HMX1: variants seen among roughly 807,000 people sequenced by gnomAD.
HMX1 encodes homeobox protein HMX1.
Under a neutral mutation model 8.9 loss-of-function variants are expected in HMX1, and 8 were observed. That is an observed-to-expected ratio of 0.90 (90% CI 0.53 to 1.63). The LOEUF (loss-of-function observed/expected upper bound fraction) is 1.63. Among genes scored for constraint, HMX1 ranks in the 40% most tolerant of loss-of-function variants. The pLI is 0.00. For synonymous variants in HMX1, 311 were observed against 283.4 expected, an observed-to-expected ratio of 1.10 and a Z score of -0.98; for missense variants, 621 against 558.5, an observed-to-expected ratio of 1.11 and a Z score of -1.13.
chr4:8,856,868 C>T (rs559224521), intron 1 of HMX1, among the ~76,000 whole-genome samples: 14 of 152,160 alleles, frequency 9.2e-5, no homozygotes, highest in Non-Finnish European at 1.8e-4. Flanking sequence ...GCAGACGGAC[C>T]ACTTGAGCTT....
Position 8,848,009 on chromosome 4 carries a change from C to T in HMX1, c.395-1685G>A, listed in dbSNP as rs189233574. Among the ~76,000 whole-genome samples, 3 of 152,246 alleles carry T rather than the reference C, an allele frequency of 2.0e-5. No homozygotes were observed. Among genetic ancestry groups the T allele is most frequent in the African/African-American group, 7.2e-5 (3 of 41,552 alleles). ...AGGGTGACATCTGAGCTCAGCGAAC[C>T]GAATTTTGAATCTAAAACTCGACAC... On this transcript the variant is annotated intron_variant, in intron 1 of 1. Transcript: ENST00000506970. The surrounding 1 kb of genome is among the most constrained non-coding windows in gnomAD (Gnocchi z 4.1).
rs939499443 is a variant in HMX1, at chr4:8,868,580, G to A, written c.395-235C>T. Reference sequence around the variant, plus strand: ...ACACCCCGCAACACACCAACACCCCGCAACACACAAACACAAACGCACACC... The same window carrying A: ...ACACCCCGCAACACACCAACACCCCACAACACACAAACACAAACGCACACC... On this transcript the variant is annotated intron_variant, in intron 1 of 1. Coordinates refer to ENST00000400677, the MANE Select transcript of HMX1 (RefSeq NM_018942.3). The surrounding 1 kb of genome is among the most constrained non-coding windows in gnomAD (Gnocchi z 4.6). Among the ~76,000 whole-genome samples the A allele has an allele frequency of 1.3e-5, 2 of 151,958 alleles. No individual in the cohort carries two copies. Among genetic ancestry groups the A allele is most frequent in the African/African-American group, 2.4e-5 (1 of 41,392 alleles).
In HMX1 at chr4:8,868,461, C is replaced by G; in HGVS notation, c.395-116G>C. 1.2e-6 allele frequency: 1 copy of G among 820,940 alleles called. No homozygotes were observed. Among genetic ancestry groups the G allele is most frequent in the Non-Finnish European group, 1.6e-6 (1 of 606,088 alleles). 50.9% of individuals were successfully genotyped at this position (820,940 alleles called of 1,614,324 possible). On this transcript the variant is annotated intron_variant, in intron 1 of 1. Transcript: ENST00000400677. The surrounding 1 kb of genome is among the most constrained non-coding windows in gnomAD (Gnocchi z 4.6). ...TCACAGCCACAAGCAGGAAGACCTT[C>G]CAGCACAGGGCTGGGCACCCAGCAG...
rs1407092391 is a variant in HMX1 at position 8,870,250 on chromosome 4, T to A, written c.394+971A>T. Among the ~76,000 whole-genome samples, 1 of 151,920 alleles carries A rather than the reference T, an allele frequency of 6.6e-6. No homozygotes were observed. Among genetic ancestry groups the A allele is most frequent in the Non-Finnish European group, 1.5e-5 (1 of 67,986 alleles). On this transcript the variant is annotated intron_variant, in intron 1 of 1. Coordinates refer to ENST00000400677, the MANE Select transcript of HMX1 (RefSeq NM_018942.3). The surrounding 1 kb of genome is among the most constrained non-coding windows in gnomAD (Gnocchi z 4.4). Reference sequence around the variant, plus strand: ...GGTGGGGGGCTGGCTAAGCCAGGGCTTGGGGGGTTGGACTGGCTTTCCTGG... The same window carrying A: ...GGTGGGGGGCTGGCTAAGCCAGGGCATGGGGGGTTGGACTGGCTTTCCTGG...
chr4:8,860,294 C>T (rs981297591), intron 1 of HMX1, among the ~76,000 whole-genome samples: 1 of 152,210 alleles, frequency 6.6e-6, no homozygotes, highest in Non-Finnish European at 1.5e-5. Context: ...CTGAGGGGAC[C>T]GGCCCGTGCG....
chr4:8,871,337 C>T lies in HMX1; in HGVS notation c.278G>A (p.Gly93Asp). 2 of 1,308,938 alleles carry T rather than the reference C, an allele frequency of 1.5e-6. No individual in the cohort carries two copies. The highest frequency in any genetic ancestry group is 1.9e-6 in the Non-Finnish European group (2 of 1,033,766). 81.1% of individuals were successfully genotyped at this position (1,308,938 alleles called of 1,614,324 possible). A position where few individuals can be genotyped will look rare whatever the true frequency, so the allele number is the denominator to read the frequency against. ...ACCGGGGGGCGGCCGAGGACCGAGG[C>T]CCAGCGCGCCCGGCCCGAGCAGCGC... ...ARALLGPGAL[G>D]LGPRPPPGPG... The change falls in exon 1 of 2, where the codon GGC (glycine) becomes GAC (aspartate). Residue 93 changes from glycine (G) to aspartate (D), a missense_variant. Gly to Asp is a moderately conservative substitution (Grantham distance 94). Coordinates refer to ENST00000400677, the MANE Select transcript of HMX1 (RefSeq NM_018942.3). This position sits in a 1 kb window ranked among gnomAD's most constrained non-coding sequence, Gnocchi z 4.8.
Position 8,849,095 on chromosome 4 carries a change from G to A in HMX1, c.395-2771C>T, listed in dbSNP as rs1265337551. On this transcript the variant is annotated intron_variant, in intron 1 of 1. Transcript: ENST00000506970. The surrounding 1 kb of genome is among the most constrained non-coding windows in gnomAD (Gnocchi z 6.6). ...TCCATCGTGGACGTCTTCTCTCAGA[G>A]CCTCGATTTTCCCATCTGTGAAACG... Among the ~76,000 whole-genome samples the A allele has an allele frequency of 5.3e-5, 8 of 152,194 alleles. 1 individual carries two copies. The Middle Eastern group carries it at 0.01, about 195-fold the overall frequency.
intron 1 of HMX1, among the ~76,000 whole-genome samples, chr4:8,861,074 G>A (rs916179062): frequency 2.0e-5 from 3 of 152,066 alleles, no homozygotes; most frequent in South Asian, 2.1e-4. Flanking sequence ...AAGAGGCGGG[G>A]CCGAGTCGCG....
At chr4:8,859,385 G>A (rs372777908) in intron 1 of HMX1, among the ~76,000 whole-genome samples, 1 of 152,186 alleles carries the variant, frequency 6.6e-6, no homozygotes, top group East Asian at 1.9e-4. Flanking sequence ...AGCTGGCTTA[G>A]AGCTTCCACC....
exon 2 of HMX1, chr4:8,846,126 G>T: frequency 1.4e-6 from 1 of 729,832 alleles, no homozygotes; most frequent in Non-Finnish European, 2.3e-6. Context: ...TGCCCCCTGT[G>T]GGAACACTGC....
rs1722046933 is a variant in HMX1, at chr4:8,867,615, T to G, written c.*78A>C. 2 of 1,196,466 alleles carry G rather than the reference T, an allele frequency of 1.7e-6. No individual in the cohort carries two copies. Among genetic ancestry groups the G allele is most frequent in the African/African-American group, 3.2e-5 (2 of 62,870 alleles). The allele number at this position is 1,196,466 out of a possible 1,614,324, so 74.1% of individuals were successfully genotyped here. ...CGACCATCCCTTCCCTAACGCCCCC[T>G]GAGCCCTGCGCCTGCCGCTGAATCG... is the stretch of plus-strand genomic sequence containing the variant. On this transcript the variant is annotated 3_prime_UTR_variant, in exon 2 of 2. Coordinates refer to ENST00000400677, the MANE Select transcript of HMX1 (RefSeq NM_018942.3).
chr4:8,868,041 G>C lies in HMX1; in HGVS notation c.699C>G (p.Arg233=). The C allele has an allele frequency of 3.3e-6, 5 of 1,533,698 alleles. No homozygotes were observed. The highest frequency in any genetic ancestry group is 1.7e-4 in the Middle Eastern group (1 of 5,820). ...DLKRYLSSAE[R]AGLAASLQLT... ...GCTGCAGGGAGGCGGCCAGGCCGGC[G>C]CGCTCGGCGCTGCTCAGGTAGCGCT... Residue 233 remains arginine, a synonymous_variant, in exon 2 of 2, where the codon CGC becomes CGG. Coordinates refer to ENST00000400677, the MANE Select transcript of HMX1 (RefSeq NM_018942.3). The surrounding 1 kb of genome is among the most constrained non-coding windows in gnomAD (Gnocchi z 4.6).
chr4:8,854,958 A>G (rs563616418), intron 1 of HMX1, among the ~76,000 whole-genome samples: 20 of 152,320 alleles, frequency 1.3e-4, no homozygotes, highest in African/African-American at 4.8e-4. Context: ...GAAGCACTCA[A>G]CTTCTTTCTT....
rs1401586578 is a variant in HMX1, at chr4:8,871,556, A to G, written c.59T>C (p.Leu20Pro). The change falls in exon 1 of 2, where the codon CTC becomes CCC. Residue 20 changes from leucine to proline, a missense_variant. Transcript: ENST00000400677. The surrounding 1 kb of genome is among the most constrained non-coding windows in gnomAD (Gnocchi z 4.8). ...CTCGGCCGCCAGCAGGTTCTCGATG[A>G]GGAAGGAGGAGGCGCGGGCCGGCGT... ...RATPARASSF[L>P]IENLLAAEAK... 7.4e-7 allele frequency: 1 copy of G among 1,358,862 alleles called. No homozygotes were observed. The highest frequency in any genetic ancestry group is 9.5e-7 in the Non-Finnish European group (1 of 1,052,344). The allele number at this position is 1,358,862 out of a possible 1,614,324, so 84.2% of individuals were successfully genotyped here.
downstream of HMX1, among the ~76,000 whole-genome samples, chr4:8,863,319 G>A (rs963536963): frequency 3.7e-4 from 56 of 152,198 alleles, 2 homozygotes; most frequent in Non-Finnish European, 7.3e-5. Flanking sequence ...GGAAGGCCAC[G>A]AAAGACTCTT....
At chr4:8,856,049 G>GAACAAAC (rs1486193652) in intron 1 of HMX1, among the ~76,000 whole-genome samples, 1 of 152,190 alleles carries the variant, frequency 6.6e-6, no homozygotes, top group Non-Finnish European at 1.5e-5. Context: ...CACTAGTATA[G>GAACAAAC]AACAAACGTG....
chr4:8,871,250 C>G lies in HMX1; in HGVS notation c.365G>C (p.Gly122Ala). ...AGGACTGAGGCCGCCTCCATAGCCA[C>G]CGTGCGCCCGTGGGTACCAGCGCGC... The part of the protein sequence containing the change: ...GAARWYPRAH[G>A]GYGGGLSPDT... The change falls in exon 1 of 2, where the codon GGT (glycine) becomes GCT (alanine). Residue 122 changes from glycine to alanine, a missense_variant. By Grantham distance (60) the Gly-to-Ala change is moderately conservative (BLOSUM62 0). Coordinates refer to ENST00000400677, the MANE Select transcript of HMX1 (RefSeq NM_018942.3). This position sits in a 1 kb window ranked among gnomAD's most constrained non-coding sequence, Gnocchi z 4.8. 3 of 1,487,494 alleles carry G rather than the reference C, an allele frequency of 2.0e-6. No homozygotes were observed. The highest frequency in any genetic ancestry group is 2.9e-5 in the African/African-American group (2 of 68,548). 92.1% of individuals were successfully genotyped at this position (1,487,494 alleles called of 1,614,324 possible). A position where few individuals can be genotyped will look rare whatever the true frequency, so the allele number is the denominator to read the frequency against.
In HMX1 at chr4:8,867,048, T is replaced by C; in HGVS notation, c.*645A>G. The C allele has an allele frequency of 5.1e-6, 5 of 983,588 alleles. No individual in the cohort carries two copies. Among genetic ancestry groups the C allele is most frequent in the Non-Finnish European group, 4.8e-6 (4 of 828,278 alleles). The allele number at this position is 983,588 out of a possible 1,614,324, so 60.9% of individuals were successfully genotyped here. A position where few individuals can be genotyped will look rare whatever the true frequency, so the allele number is the denominator to read the frequency against. ...TCGTGATCACAAAGCAGTGAAACTG[T>C]CCAGAAAATGTCCCTTTTTATTCCA... On this transcript the variant is annotated 3_prime_UTR_variant, in exon 2 of 2. Transcript: ENST00000400677.
downstream of HMX1, among the ~76,000 whole-genome samples, chr4:8,866,878 G>A (rs1484190434): frequency 1.3e-5 from 2 of 152,092 alleles, no homozygotes; most frequent in Non-Finnish European, 2.9e-5. Flanking sequence ...TCATAGAAGA[G>A]GGGCACAGCG....
Sources: allele counts gnomAD v4.1 joint callset (sites outside exome capture counted in the v4.1 genomes callset), GRCh38; gene constraint gnomAD v4.1.1; non-coding constraint Gnocchi (gnomAD v3.1); transcripts MANE v1.5; gene names NCBI Gene and HGNC (gene_info 2026-07-23, HGNC 2026-07-21).